Variants in PCDHA2 observed in about 807,000 individuals in gnomAD.
The protein encoded by PCDHA2 is protocadherin alpha 2, also known as protocadherin alpha-2.
PCDHA2 carries 58 observed loss-of-function variants against 66.0 expected under a neutral mutation model. That is an observed-to-expected ratio of 0.88 (90% CI 0.71 to 1.09). The LOEUF is 1.09. Among genes scored for constraint, PCDHA2 ranks in the 50% least tolerant of loss-of-function variants. PCDHA2 has a pLI of 0.00. For missense variants in PCDHA2, 1,267 were observed against 1,242.3 expected (o/e 1.02, Z -0.30); for synonymous variants, 634 against 554.0 (o/e 1.14, Z -2.03).
intron 1 of PCDHA2, chr5:140,836,153 G>T: frequency 6.2e-7 from 1 of 1,613,816 alleles, no homozygotes; most frequent in Non-Finnish European, 8.5e-7. Context: ...CGGGCCATGT[G>T]GTGGCGAAGG....
At chr5:140,975,068 C>G (rs1273763502) in intron 1 of PCDHA2, among the ~76,000 whole-genome samples, 2 of 152,134 alleles carry the variant, frequency 1.3e-5, no homozygotes, top group Non-Finnish European at 2.9e-5. Context: ...CGAGCTCATT[C>G]AGATTGTTGG....
chr5:140,900,840 T>A (rs6874218), intron 1 of PCDHA2, among the ~76,000 whole-genome samples: 3 of 151,950 alleles, frequency 2.0e-5, no homozygotes, highest in Non-Finnish European at 4.4e-5. Context: ...ATGTACAAAG[T>A]TTCCCTTTTT....
At chr5:140,928,227 T>G (rs781923359) in intron 1 of PCDHA2, 2 of 1,614,198 alleles carry the variant, frequency 1.2e-6, no homozygotes, top group South Asian at 2.2e-5. Context: ...CACCAAACTT[T>G]CCTCAACCCC....
intron 3 of PCDHA2, among the ~76,000 whole-genome samples, chr5:140,995,674 AT>A (rs1240189428): frequency 1.3e-5 from 2 of 151,994 alleles, no homozygotes; most frequent in Non-Finnish European, 2.9e-5. Flanking sequence ...TAAATGCAGC[AT>A]TTTTTTTAAT....
intron 3 of PCDHA2, among the ~76,000 whole-genome samples, chr5:141,004,400 G>A (rs183932833): frequency 7.4e-4 from 113 of 152,304 alleles, no homozygotes; most frequent in African/African-American, 2.7e-3. Flanking sequence ...TGTGGAGGAG[G>A]CACCTGACTA....
At chr5:140,865,535 T>C (rs2048909108) in intron 1 of PCDHA2, 3 of 152,192 alleles carry the variant, frequency 2.0e-5, no homozygotes, top group South Asian at 2.1e-4. Context: ...TCTTCATCCA[T>C]AGCTATAGGA....
Position 140,944,942 on chromosome 5 carries a change from T to C in PCDHA2, c.2389-34007T>C, listed in dbSNP as rs564740183. Among the ~76,000 whole-genome samples the C allele has an allele frequency of 2.0e-4, 31 of 152,326 alleles. No individual in the cohort carries two copies. The South Asian group carries it at 3.7e-3, about 18-fold the overall frequency. On this transcript the variant is annotated intron_variant, in intron 1 of 3. Coordinates refer to ENST00000526136, the MANE Select transcript of PCDHA2 (RefSeq NM_018905.3). ...ATTGGTTTATGCCTTCTTTAGATGATTGTGAATAAGAGTATTATCTTAACC... is the reference window on the plus strand; with the variant it reads ...ATTGGTTTATGCCTTCTTTAGATGACTGTGAATAAGAGTATTATCTTAACC...
At chr5:140,971,743 A>G (rs979953004) in intron 1 of PCDHA2, among the ~76,000 whole-genome samples, 1 of 151,474 alleles carries the variant, frequency 6.6e-6, no homozygotes, top group African/African-American at 2.4e-5. Flanking sequence ...ACACATACAT[A>G]TATCTCATAT....
chr5:140,897,214 G>A (rs1355389573), intron 1 of PCDHA2, among the ~76,000 whole-genome samples: 1 of 151,764 alleles, frequency 6.6e-6, no homozygotes, highest in Non-Finnish European at 1.5e-5. Flanking sequence ...TTAAGTTTTA[G>A]GGTACATGTG....
chr5:140,807,003 A>G, intron 1 of PCDHA2: 1 of 732,430 alleles, frequency 1.4e-6, no homozygotes, highest in East Asian at 2.7e-5. Flanking sequence ...GTCGCTCTTT[A>G]CCACAAAATA....
intron 1 of PCDHA2, chr5:140,822,214 C>T: frequency 6.2e-7 from 1 of 1,614,218 alleles, no homozygotes. Context: ...GTCAAGAATG[C>T]CAGATTCGCG....
intron 3 of PCDHA2, among the ~76,000 whole-genome samples, chr5:141,000,558 G>C (rs1462892656): frequency 6.7e-6 from 1 of 149,136 alleles, no homozygotes; most frequent in African/African-American, 2.5e-5. Context: ...CTCCCGAGTA[G>C]CTGGGATTAC....
rs2150490057 is a variant in PCDHA2, at chr5:140,850,579, A to G, written c.2388+53227A>G. On this transcript the variant is annotated intron_variant, in intron 1 of 3. Transcript: ENST00000526136. ...ACGGGCCCCGAGGTGACGCTGGTGG[A>G]TGTCAACGTGTACCTGATCATCGCC... 24 of 1,598,000 alleles carry G rather than the reference A, an allele frequency of 1.5e-5. 1 individual carries two copies. The East Asian group carries it at 3.6e-4, about 24-fold the overall frequency.
At chr5:140,939,603 CAG>C (rs2092419919) in intron 1 of PCDHA2, among the ~76,000 whole-genome samples, 2 of 152,068 alleles carry the variant, frequency 1.3e-5, no homozygotes, top group Non-Finnish European at 2.9e-5. Flanking sequence ...TGCTCAAAAA[CAG>C]AACAAGGAGA....
chr5:140,906,804 C>T (rs1254520665), intron 1 of PCDHA2, among the ~76,000 whole-genome samples: 3 of 152,224 alleles, frequency 2.0e-5, no homozygotes, highest in Non-Finnish European at 4.4e-5. Context: ...CATACTCTTC[C>T]TTACCTCCAC....
intron 1 of PCDHA2, among the ~76,000 whole-genome samples, chr5:140,975,592 C>A (rs2096673847): frequency 6.6e-6 from 1 of 152,170 alleles, no homozygotes; most frequent in Non-Finnish European, 1.5e-5. Context: ...TCCCAGAGGG[C>A]AATTTGTTGA....
chr5:140,843,593 G>T, intron 1 of PCDHA2: 2 of 1,596,072 alleles, frequency 1.3e-6, no homozygotes, highest in Non-Finnish European at 1.7e-6. Flanking sequence ...GCCGCAGAGG[G>T]TGTGCTCTGG....
intron 1 of PCDHA2, among the ~76,000 whole-genome samples, chr5:140,898,963 G>A (rs1411271866): frequency 6.6e-6 from 1 of 152,070 alleles, no homozygotes; most frequent in Non-Finnish European, 1.5e-5. Context: ...TTGTGAATGG[G>A]AGTTCACTCA....
At chr5:140,905,333 T>A (rs180881008) in intron 1 of PCDHA2, among the ~76,000 whole-genome samples, 2 of 152,324 alleles carry the variant, frequency 1.3e-5, no homozygotes, top group Admixed American at 1.3e-4. Flanking sequence ...TTGTTGAAGA[T>A]CAGTTGGCTG....
Sources: gnomAD v4.1 joint callset for allele counts (sites outside exome capture counted in the v4.1 genomes callset) on GRCh38, gnomAD v4.1.1 for gene constraint, MANE v1.5 for transcripts, NCBI Gene and HGNC (gene_info 2026-07-23, HGNC 2026-07-21) for gene names.